CAMK2D: variants seen among roughly 807,000 people sequenced by gnomAD.
CAMK2D encodes the protein calcium/calmodulin dependent protein kinase II delta, also known as calcium/calmodulin-dependent protein kinase type II subunit delta.
In CAMK2D, 37 loss-of-function variants were observed where a neutral mutation model predicts 84.0. The ratio of observed to expected loss-of-function variants is 0.44; its 90% CI spans 0.34 to 0.58. The LOEUF is 0.58. Ranked by LOEUF, CAMK2D falls within the 20% of genes least tolerant of loss-of-function variation. The pLI is 0.02. For missense variants in CAMK2D, 448 were observed against 652.5 expected, an observed-to-expected ratio of 0.69 and a Z score of 3.41; for synonymous variants, 202 against 212.5, an observed-to-expected ratio of 0.95 and a Z score of 0.43.
chr4:113,708,083 A>T (rs961961931), intron 2 of CAMK2D, among the ~76,000 whole-genome samples: 2 of 151,008 alleles, frequency 1.3e-5, no homozygotes, highest in African/African-American at 4.9e-5. Flanking sequence ...TACCAACCAT[A>T]AAAAAAAAGT....
intron 6 of CAMK2D, among the ~76,000 whole-genome samples, chr4:113,538,680 G>T (rs778773813): frequency 6.6e-6 from 1 of 152,160 alleles, no homozygotes; most frequent in Non-Finnish European, 1.5e-5. Context: ...TGTCAATTCT[G>T]TTGGTAGTTT....
At chr4:113,608,904 C>G (rs28452972) in intron 4 of CAMK2D, among the ~76,000 whole-genome samples, 1 of 152,032 alleles carries the variant, frequency 6.6e-6, no homozygotes, top group Non-Finnish European at 1.5e-5. Flanking sequence ...GACATCACAA[C>G]GGACAATGCA....
intron 3 of CAMK2D, among the ~76,000 whole-genome samples, chr4:113,615,638 T>C (rs555914325): frequency 3.5e-4 from 54 of 152,276 alleles, no homozygotes; most frequent in African/African-American, 1.1e-3. Context: ...CAGTATAAAA[T>C]ATATTAACTT....
intron 4 of CAMK2D, among the ~76,000 whole-genome samples, chr4:113,603,733 T>C (rs961658780): frequency 3.4e-5 from 5 of 145,972 alleles, no homozygotes; most frequent in African/African-American, 1.0e-4. Context: ...CTTGCTATTA[T>C]ATTTCTTTAT....
chr4:113,754,406 G>A, intron 2 of CAMK2D: 2 of 968,086 alleles, frequency 2.1e-6, no homozygotes, highest in Non-Finnish European at 1.2e-6. Flanking sequence ...CCCAGTACAT[G>A]TAAGATTTCT....
At chr4:113,582,183 C>T (rs2098813547) in intron 4 of CAMK2D, among the ~76,000 whole-genome samples, 1 of 152,150 alleles carries the variant, frequency 6.6e-6, no homozygotes, top group Non-Finnish European at 1.5e-5. Context: ...ACATTTGATC[C>T]AATAAATTGT....
At chr4:113,534,701 C>T (rs1473213317) in intron 7 of CAMK2D, among the ~76,000 whole-genome samples, 1 of 152,164 alleles carries the variant, frequency 6.6e-6, no homozygotes, top group East Asian at 1.9e-4. Flanking sequence ...TTGTTTCACA[C>T]CAAGACAATT....
intron 2 of CAMK2D, among the ~76,000 whole-genome samples, chr4:113,722,755 C>T (rs1332847285): frequency 6.6e-6 from 1 of 152,122 alleles, no homozygotes; most frequent in African/African-American, 2.4e-5. Context: ...AACCTAGACT[C>T]TAGTTCCTCT....
intron 3 of CAMK2D, among the ~76,000 whole-genome samples, chr4:113,653,863 C>T (rs1480541114): frequency 6.6e-6 from 1 of 151,936 alleles, no homozygotes; most frequent in Non-Finnish European, 1.5e-5. Context: ...TAGAAGACAA[C>T]TGCATGCAGA....
At chr4:113,616,985 A>G (rs2099023793) in intron 3 of CAMK2D, among the ~76,000 whole-genome samples, 1 of 152,196 alleles carries the variant, frequency 6.6e-6, no homozygotes, top group Admixed American at 6.5e-5. Context: ...GAGTATTGAA[A>G]CAATAGTCAT....
chr4:113,677,549 A>C (rs1468728281), intron 2 of CAMK2D: 19 of 981,484 alleles, frequency 1.9e-5, no homozygotes, highest in Non-Finnish European at 2.2e-5. Context: ...TCCGTCAGAC[A>C]TGAGGATAAT....
intron 8 of CAMK2D, among the ~76,000 whole-genome samples, chr4:113,523,804 C>CAAAT (rs1409309538): frequency 1.3e-5 from 2 of 151,738 alleles, no homozygotes; most frequent in Non-Finnish European, 2.9e-5. Flanking sequence ...AATAAACAAA[C>CAAAT]AAACAAATAA....
intron 5 of CAMK2D, among the ~76,000 whole-genome samples, chr4:113,547,918 G>C (rs529643034): frequency 6.6e-6 from 1 of 152,316 alleles, no homozygotes; most frequent in East Asian, 1.9e-4. Context: ...GAGCCAGAAT[G>C]TGGGTCCATT....
chr4:113,510,474 C>G (rs1041008019), intron 12 of CAMK2D, among the ~76,000 whole-genome samples: 11 of 151,992 alleles, frequency 7.2e-5, no homozygotes, highest in Non-Finnish European at 1.6e-4. Flanking sequence ...TGGAAGGGAG[C>G]TTTTAACATT....
chr4:113,753,969 T>G, intron 2 of CAMK2D: 1 of 977,570 alleles, frequency 1.0e-6, no homozygotes. Flanking sequence ...TGTCTTCTAT[T>G]ATGTTTATTT....
At chr4:113,756,460 T>G (rs565118628) in intron 2 of CAMK2D, among the ~76,000 whole-genome samples, 1 of 152,002 alleles carries the variant, frequency 6.6e-6, no homozygotes, top group African/African-American at 2.4e-5. Context: ...AAAGCTTCCA[T>G]ATGCAACTCT....
chr4:113,540,421 C>A (rs2098522537), intron 6 of CAMK2D, among the ~76,000 whole-genome samples: 1 of 152,066 alleles, frequency 6.6e-6, no homozygotes, highest in Non-Finnish European at 1.5e-5. Context: ...GATCAGAAAC[C>A]CAGGTCTTCT....
rs2098267820 is a variant in CAMK2D, at chr4:113,515,108, G to A, written c.780C>T (p.Arg260=). Residue 260 remains arginine, a synonymous_variant, in exon 10 of 21, where the codon CGC becomes CGT. Coordinates refer to ENST00000511664, the MANE Select transcript of CAMK2D (RefSeq NM_001321571.2). The stretch of plus-strand genomic sequence containing the variant: ...GCTTCAGTGCCTCTGAGGCTGTGAT[G>A]CGTTTGGCAGGGTTGATAGTAAGCA... ...NKMLTINPAK[R]ITASEALKHP... 6.2e-7 allele frequency: 1 copy of A among 1,613,200 alleles called. No homozygotes were observed. The highest frequency in any genetic ancestry group is 1.3e-5 in the African/African-American group (1 of 74,888).
chr4:113,465,627 G>C, intron 16 of CAMK2D, 23 bp from the exon 17 acceptor site: 1 of 1,438,796 alleles, frequency 7.0e-7, no homozygotes, highest in Non-Finnish European at 9.8e-7. Context: ...ATATGGAGTT[G>C]GGTAAGAATA....
Sources: gnomAD v4.1 joint callset for allele counts (sites outside exome capture counted in the v4.1 genomes callset) on GRCh38, gnomAD v4.1.1 for gene constraint, MANE v1.5 for transcripts, NCBI Gene and HGNC (gene_info 2026-07-23, HGNC 2026-07-21) for gene names.